Variants in GRIP1 observed in about 807,000 individuals in gnomAD.
GRIP1 encodes glutamate receptor-interacting protein 1.
In GRIP1, 45 loss-of-function variants were observed where a neutral mutation model predicts 129.9. The observed-to-expected ratio is 0.35, with a 90% confidence interval of 0.27 to 0.44. The LOEUF (loss-of-function observed/expected upper bound fraction) is 0.44, where lower values mean the gene tolerates loss of function less well. GRIP1 is among the 20% of genes least tolerant of loss of function. The pLI is 1.00. For synonymous variants in GRIP1, 530 were observed against 520.8 expected (o/e 1.02, Z -0.24); for missense variants, 1,196 against 1,396.8 (o/e 0.86, Z 2.29).
intron 7 of GRIP1, among the ~76,000 whole-genome samples, chr12:66,479,348 A>G (rs953560711): frequency 2.6e-5 from 4 of 152,144 alleles, no homozygotes; most frequent in African/African-American, 9.7e-5. Context: ...GGACATATAT[A>G]CCCTCCCAAG....
At chr12:66,502,388 G>A (rs1009455229) in intron 7 of GRIP1, among the ~76,000 whole-genome samples, 1 of 152,098 alleles carries the variant, frequency 6.6e-6, no homozygotes, top group Non-Finnish European at 1.5e-5. Flanking sequence ...CTTCTAGAAG[G>A]AGCTCCTAAA....
chr12:66,595,588 G>A (rs566867008), intron 2 of GRIP1, among the ~76,000 whole-genome samples: 17 of 152,292 alleles, frequency 1.1e-4, no homozygotes, highest in Non-Finnish European at 2.1e-4. Flanking sequence ...CAAGGAGAAA[G>A]AGGATAACAC....
At chr12:66,761,971 C>A (rs914007556) in intron 1 of GRIP1, among the ~76,000 whole-genome samples, 1 of 152,182 alleles carries the variant, frequency 6.6e-6, no homozygotes, top group African/African-American at 2.4e-5. Context: ...TTATTTCTCT[C>A]TGCCTCGGTT....
At chr12:66,473,164 G>T (rs1441664373) in intron 7 of GRIP1, among the ~76,000 whole-genome samples, 1 of 152,102 alleles carries the variant, frequency 6.6e-6, no homozygotes, top group Non-Finnish European at 1.5e-5. Context: ...TCAATACTGG[G>T]GCTTGAGTAG....
chr12:66,912,062 C>T (rs1478092948), intron 1 of GRIP1, among the ~76,000 whole-genome samples: 2 of 152,150 alleles, frequency 1.3e-5, no homozygotes, highest in South Asian at 2.1e-4. Flanking sequence ...TGTTTCATTA[C>T]ATTTTAGTTT....
intron 1 of GRIP1, among the ~76,000 whole-genome samples, chr12:66,887,775 G>A (rs2040590025): frequency 1.3e-5 from 2 of 152,134 alleles, no homozygotes; most frequent in Non-Finnish European, 2.9e-5. Flanking sequence ...GAAACAGAGA[G>A]GTGGATCCCA....
chr12:66,569,745 G>T (rs887258561), intron 2 of GRIP1, among the ~76,000 whole-genome samples: 2 of 152,146 alleles, frequency 1.3e-5, no homozygotes, highest in African/African-American at 4.8e-5. Flanking sequence ...ATAGAGAGGG[G>T]GCTGGGGGCT....
chr12:66,428,846 A>C (rs2058062651), intron 14 of GRIP1, among the ~76,000 whole-genome samples: 1 of 152,210 alleles, frequency 6.6e-6, no homozygotes, highest in African/African-American at 2.4e-5. Context: ...TTTACTGATA[A>C]TGGGATGTGA....
intron 1 of GRIP1, among the ~76,000 whole-genome samples, chr12:66,861,007 T>C (rs1445420744): frequency 6.6e-6 from 1 of 152,070 alleles, no homozygotes; most frequent in African/African-American, 2.4e-5. Context: ...CTACCCAGGA[T>C]AATATCAGTG....
rs538525368 is a variant in GRIP1 at position 66,526,083 on chromosome 12, C to T, written c.502+3748G>A. On this transcript the variant is annotated intron_variant, in intron 5 of 24. Coordinates refer to ENST00000359742, the MANE Select transcript of GRIP1 (RefSeq NM_001366722.1). ...CATACTCATCGATAGGAAGAATCAA[C>T]GTGAAAATGGCCATACTGCCCAAGG... Among the ~76,000 whole-genome samples, 61 of 150,890 alleles carry T rather than the reference C, an allele frequency of 4.0e-4. 1 individual carries two copies. Among genetic ancestry groups the T allele is most frequent in the Non-Finnish European group, 6.5e-4 (44 of 67,178 alleles).
intron 1 of GRIP1, among the ~76,000 whole-genome samples, chr12:66,648,743 C>T (rs2032561665): frequency 6.6e-6 from 1 of 152,174 alleles, no homozygotes; most frequent in Admixed American, 6.5e-5. Flanking sequence ...TCACTTATGG[C>T]AAATCTTTAA....
intron 1 of GRIP1, among the ~76,000 whole-genome samples, chr12:66,886,502 C>G (rs1817038821): frequency 6.6e-6 from 1 of 152,088 alleles, no homozygotes. Context: ...TCAACATTTT[C>G]TTTTTGAAAG....
intron 1 of GRIP1, among the ~76,000 whole-genome samples, chr12:66,932,478 AAG>A (rs1365559750): frequency 6.6e-6 from 1 of 152,120 alleles, no homozygotes; most frequent in African/African-American, 2.4e-5. Flanking sequence ...GATTCACTGA[AAG>A]AAGTATTTGT....
intron 1 of GRIP1, among the ~76,000 whole-genome samples, chr12:66,623,388 C>T (rs1029447557): frequency 6.6e-6 from 1 of 152,156 alleles, no homozygotes; most frequent in Non-Finnish European, 1.5e-5. Flanking sequence ...CGTTAAGTAG[C>T]TTGCCCATTG....
intron 1 of GRIP1, among the ~76,000 whole-genome samples, chr12:66,752,457 T>C (rs888975317): frequency 6.6e-5 from 10 of 152,150 alleles, no homozygotes; most frequent in Admixed American, 6.5e-4. Flanking sequence ...CCTCAAAATA[T>C]CATATTTTCC....
intron 1 of GRIP1, among the ~76,000 whole-genome samples, chr12:66,745,034 A>T (rs1192772988): frequency 6.6e-6 from 1 of 152,122 alleles, no homozygotes; most frequent in East Asian, 1.9e-4. Flanking sequence ...AACATTTTAC[A>T]CGTCACCTGA....
chr12:66,964,918 G>A (rs181205717), intron 1 of GRIP1, among the ~76,000 whole-genome samples: 30 of 152,098 alleles, frequency 2.0e-4, no homozygotes, highest in Non-Finnish European at 3.4e-4. Context: ...CTCTTTACAC[G>A]GATGTTTCTG....
In GRIP1 at chr12:66,361,405, G is replaced by A. The variant is rs11176156; in HGVS notation, c.3013-7842C>T. ...AAGCCAGGGGCTACCCTGGCCCTTGGGGAGCTGAGTCCCAACCAAAAAAGT... is the reference window on the plus strand; with the variant it reads ...AAGCCAGGGGCTACCCTGGCCCTTGAGGAGCTGAGTCCCAACCAAAAAAGT... On this transcript the variant is annotated intron_variant, in intron 23 of 24. Transcript: ENST00000359742. Among the ~76,000 whole-genome samples the A allele has an allele frequency of 3.3e-3, 509 of 152,176 alleles. 9 individuals carry two copies. The East Asian group carries it at 0.042, about 13-fold the overall frequency.
chr12:66,535,091 C>T (rs2061567653), intron 4 of GRIP1, among the ~76,000 whole-genome samples: 1 of 152,122 alleles, frequency 6.6e-6, no homozygotes, highest in Non-Finnish European at 1.5e-5. Flanking sequence ...TTCCTCTTCC[C>T]ACCTGGCTAG....
Sources: allele counts gnomAD v4.1 joint callset (sites outside exome capture counted in the v4.1 genomes callset), GRCh38; gene constraint gnomAD v4.1.1; transcripts MANE v1.5; gene names NCBI Gene and HGNC (gene_info 2026-07-23, HGNC 2026-07-21).